The following CNTN5 variants were observed in gnomAD, a reference collection of about 807,000 sequenced individuals.
CNTN5 encodes contactin 5.
CNTN5 carries 77 observed loss-of-function variants against 129.1 expected under a neutral mutation model. That is an observed-to-expected ratio of 0.60 (90% CI 0.50 to 0.72). The LOEUF (loss-of-function observed/expected upper bound fraction) is 0.72, where lower values mean the gene tolerates loss of function less well. Among genes scored for constraint, CNTN5 ranks in the 30% least tolerant of loss-of-function variants. The probability of loss-of-function intolerance (pLI) is 0.00; values close to 1 mark genes in which losing one functional copy is unlikely to be tolerated. For synonymous variants in CNTN5, 509 were observed against 465.6 expected, an observed-to-expected ratio of 1.09 and a Z score of -1.20; for missense variants, 1,478 against 1,328.8, an observed-to-expected ratio of 1.11 and a Z score of -1.75.
intron 1 of CNTN5, among the ~76,000 whole-genome samples, chr11:99,283,647 G>A (rs988294095): frequency 1.3e-5 from 2 of 152,208 alleles, no homozygotes; most frequent in African/African-American, 4.8e-5. Flanking sequence ...TTGTTTGCTA[G>A]TTTGTAACGA....
intron 3 of CNTN5, among the ~76,000 whole-genome samples, chr11:99,646,445 A>G (rs1274708300): frequency 1.3e-5 from 2 of 152,140 alleles, no homozygotes; most frequent in South Asian, 2.1e-4. Flanking sequence ...TCTACAATCT[A>G]TCAGAATATT....
chr11:100,016,895 G>A (rs1940851870), intron 9 of CNTN5, among the ~76,000 whole-genome samples: 1 of 151,366 alleles, frequency 6.6e-6, no homozygotes, highest in African/African-American at 2.4e-5. Flanking sequence ...GTAGTTAAAT[G>A]GTGCAGAACA....
Position 99,490,942 on chromosome 11 carries a change from C to T in CNTN5, c.-70-65203C>T, listed in dbSNP as rs113735305. 9.4e-3 allele frequency among the ~76,000 whole-genome samples: 1,433 copies of T among 151,938 alleles called. 16 individuals are homozygous for T. The highest frequency in any genetic ancestry group is 0.032 in the African/African-American group (1,326 of 41,418). On this transcript the variant is annotated intron_variant, in intron 2 of 24. Coordinates refer to ENST00000524871, the MANE Select transcript of CNTN5 (RefSeq NM_014361.4). ...TTGTGTGGGGTTACTCAGAGCTCACCGAGATCTAACCACTATTGGGACAGC... is the reference window on the plus strand; with the variant it reads ...TTGTGTGGGGTTACTCAGAGCTCACTGAGATCTAACCACTATTGGGACAGC...
chr11:99,505,538 C>T (rs1946587143), intron 2 of CNTN5, among the ~76,000 whole-genome samples: 1 of 152,062 alleles, frequency 6.6e-6, no homozygotes, highest in Non-Finnish European at 1.5e-5. Context: ...ACAGGAGGCC[C>T]AAATAGCAAT....
intron 6 of CNTN5, among the ~76,000 whole-genome samples, chr11:99,846,129 GACACACACACACAC>G (rs10650307): frequency 1.0e-4 from 15 of 144,642 alleles, no homozygotes; most frequent in Non-Finnish European, 7.5e-5. Flanking sequence ...TACGGACATA[GACACACACACACAC>G]ACACACACAC....
intron 1 of CNTN5, among the ~76,000 whole-genome samples, chr11:99,185,726 T>C (rs1858312038): frequency 6.6e-6 from 1 of 151,778 alleles, no homozygotes; most frequent in Admixed American, 6.6e-5. Context: ...GAGCTGAAAG[T>C]GTATATTTTT....
chr11:99,228,302 A>G lies in CNTN5; in HGVS notation c.-209-97044A>G, dbSNP rs538087375. On this transcript the variant is annotated intron_variant, in intron 1 of 24. Coordinates refer to ENST00000524871, the MANE Select transcript of CNTN5 (RefSeq NM_014361.4). ...TGCAGGTAGAGAGTAGAATGATAGT[A>G]GAATGATAGATACTAGAGGCTGGCA... is the stretch of plus-strand genomic sequence containing the variant. 2.0e-5 allele frequency among the ~76,000 whole-genome samples: 3 copies of G among 152,158 alleles called. No individual in the cohort carries two copies. In the East Asian group the frequency reaches 5.8e-4, roughly 29 times the overall value.
At chr11:99,673,024 C>T (rs751722373) in intron 3 of CNTN5, among the ~76,000 whole-genome samples, 1 of 152,074 alleles carries the variant, frequency 6.6e-6, no homozygotes, top group South Asian at 2.1e-4. Context: ...GGGAGCCTTA[C>T]AGAATGGCCA....
intron 3 of CNTN5, among the ~76,000 whole-genome samples, chr11:99,778,379 T>C (rs1341614249): frequency 6.6e-6 from 1 of 151,894 alleles, no homozygotes; most frequent in Non-Finnish European, 1.5e-5. Context: ...GTTTTGTGTT[T>C]AGACTGTATG....
intron 15 of CNTN5, among the ~76,000 whole-genome samples, chr11:100,219,844 G>T (rs938817186): frequency 6.6e-6 from 1 of 152,042 alleles, no homozygotes; most frequent in Non-Finnish European, 1.5e-5. Context: ...AGTTATTCAA[G>T]CATGTAGGTT....
At chr11:100,075,371 C>A (rs547052262) in intron 13 of CNTN5, among the ~76,000 whole-genome samples, 1 of 152,130 alleles carries the variant, frequency 6.6e-6, no homozygotes, top group South Asian at 2.1e-4. Flanking sequence ...ACTCTTACAC[C>A]AAAAGACCTA....
At chr11:99,662,503 G>A (rs1952631331) in intron 3 of CNTN5, among the ~76,000 whole-genome samples, 1 of 152,172 alleles carries the variant, frequency 6.6e-6, no homozygotes, top group African/African-American at 2.4e-5. Flanking sequence ...TTTCTGAAGT[G>A]ATGATAGATT....
At chr11:100,287,761 T>G (rs536217316) in intron 18 of CNTN5, among the ~76,000 whole-genome samples, 1 of 152,218 alleles carries the variant, frequency 6.6e-6, no homozygotes, top group Admixed American at 6.5e-5. Flanking sequence ...ATAACAATAT[T>G]AACTTTAGAT....
At chr11:99,263,596 G>A (rs1208876804) in intron 1 of CNTN5, among the ~76,000 whole-genome samples, 4 of 151,974 alleles carry the variant, frequency 2.6e-5, no homozygotes, top group Non-Finnish European at 5.9e-5. Flanking sequence ...GGGGAAAAAG[G>A]GAGAAAGGAA....
chr11:99,321,683 C>T (rs1241444986), intron 1 of CNTN5, among the ~76,000 whole-genome samples: 2 of 152,106 alleles, frequency 1.3e-5, no homozygotes, highest in Admixed American at 6.6e-5. Context: ...TGATTCTACT[C>T]AAAAGCTATT....
At chr11:99,955,870 A>G (rs570694478) in intron 7 of CNTN5, among the ~76,000 whole-genome samples, 2 of 152,214 alleles carry the variant, frequency 1.3e-5, no homozygotes, top group African/African-American at 4.8e-5. Context: ...AGCCTATATC[A>G]TTTATTTTAA....
rs1428713347 is a variant in CNTN5, at chr11:100,255,915, A to G, written c.2161A>G (p.Thr721Ala). ...PFSLGWQTVK[T>A]VPEIITGDME... is the part of the protein sequence containing the mutation. Reference sequence around the variant, plus strand: ...TTCCCTGGGCTGGCAAACAGTAAAGACAGGTAAGAGGCACTAAAGCAACAT... The same window carrying G: ...TTCCCTGGGCTGGCAAACAGTAAAGGCAGGTAAGAGGCACTAAAGCAACAT... Residue 721 changes from threonine (T) to alanine (A), a missense_variant, in exon 17 of 25, where the codon ACA becomes GCA. Thr to Ala is a moderately conservative substitution (Grantham distance 58, BLOSUM62 0). Transcript: ENST00000524871. 3.7e-6 allele frequency: 6 copies of G among 1,613,756 alleles called. No homozygotes were observed. The East Asian group carries it at 1.3e-4, about 36-fold the overall frequency.
At chr11:100,223,736 T>C (rs1183854550) in intron 15 of CNTN5, among the ~76,000 whole-genome samples, 1 of 152,152 alleles carries the variant, frequency 6.6e-6, no homozygotes, top group Non-Finnish European at 1.5e-5. Flanking sequence ...ATTCCAGTCA[T>C]CGTTAGATTA....
At chr11:99,895,090 G>T (rs754229233) in intron 6 of CNTN5, among the ~76,000 whole-genome samples, 1 of 152,210 alleles carries the variant, frequency 6.6e-6, no homozygotes, top group Non-Finnish European at 1.5e-5. Context: ...AAGTGCTAAA[G>T]GTAGGGCATA....
Sources: gnomAD v4.1 joint callset for allele counts (sites outside exome capture counted in the v4.1 genomes callset) on GRCh38, gnomAD v4.1.1 for gene constraint, MANE v1.5 for transcripts, NCBI Gene and HGNC (gene_info 2026-07-23, HGNC 2026-07-21) for gene names.